The following CLASP1 variants were observed in gnomAD, a reference collection of about 807,000 sequenced individuals.
The protein encoded by CLASP1 is cytoplasmic linker associated protein 1.
CLASP1 carries 38 observed loss-of-function variants against 192.3 expected under a neutral mutation model. That is an observed-to-expected ratio of 0.20 (90% CI 0.15 to 0.26). The LOEUF (loss-of-function observed/expected upper bound fraction) is 0.26, where lower values mean the gene tolerates loss of function less well. Ranked by LOEUF, CLASP1 falls within the 10% of genes least tolerant of loss-of-function variation. The pLI is 1.00. For synonymous variants in CLASP1, 691 were observed against 712.8 expected, an observed-to-expected ratio of 0.97 and a Z score of 0.49; for missense variants, 1,433 against 1,932.5, an observed-to-expected ratio of 0.74 and a Z score of 4.85.
rs748876925 is a variant in CLASP1, at chr2:121,400,242, C to T, written c.2900+1267G>A. ...ATTTAATATTCTTTTTTTATGGCCTCACCGACAGATGCAAGTACATTACTT... is the reference window on the plus strand; with the variant it reads ...ATTTAATATTCTTTTTTTATGGCCTTACCGACAGATGCAAGTACATTACTT... On this transcript the variant is annotated intron_variant, in intron 28 of 39. Coordinates refer to ENST00000263710, the Ensembl canonical transcript of CLASP1. Among the ~76,000 whole-genome samples the T allele has an allele frequency of 6.5e-4, 99 of 152,046 alleles. 1 individual carries two copies. Among genetic ancestry groups the T allele is most frequent in the Non-Finnish European group, 2.8e-4 (19 of 68,026 alleles).
At chr2:121,392,068 T>G (rs199973197) in intron 30 of CLASP1, among the ~76,000 whole-genome samples, 2 of 152,206 alleles carry the variant, frequency 1.3e-5, no homozygotes, top group East Asian at 3.8e-4. Flanking sequence ...AATTTATGTA[T>G]TAATACTTCT....
chr2:121,449,701 A>C (rs960200182), intron 16 of CLASP1, among the ~76,000 whole-genome samples: 1 of 152,334 alleles, frequency 6.6e-6, no homozygotes, highest in East Asian at 1.9e-4. Flanking sequence ...ACGATTAATT[A>C]TATCACTTAT....
intron 1 of CLASP1, among the ~76,000 whole-genome samples, chr2:121,636,838 A>T (rs1163363143): frequency 6.6e-6 from 1 of 152,214 alleles, no homozygotes. Flanking sequence ...ACATTTGGTA[A>T]AATGACTTAA....
intron 2 of CLASP1, among the ~76,000 whole-genome samples, chr2:121,538,661 C>A (rs2095155711): frequency 6.6e-6 from 1 of 151,344 alleles, no homozygotes; most frequent in South Asian, 2.1e-4. Flanking sequence ...CAGTGGGCAC[C>A]TGTAATCCCA....
At chr2:121,367,781 A>G in exon 35 of CLASP1, 1 of 1,612,210 alleles carries the variant, frequency 6.2e-7, no homozygotes, top group Non-Finnish European at 8.5e-7. Flanking sequence ...CTACTTCACT[A>G]CCCCCCCGGC....
intron 18 of CLASP1, among the ~76,000 whole-genome samples, chr2:121,448,056 C>G (rs2084698527): frequency 6.6e-6 from 1 of 152,250 alleles, no homozygotes; most frequent in Admixed American, 6.5e-5. Flanking sequence ...CACAGAGCTT[C>G]ATTCCTAAGT....
At position 121,429,571 on chromosome 2, in the gene CLASP1, T is replaced by G. The variant is rs140344374; in HGVS notation, c.2017+502A>C. ...TGACTTCACATATACAGAGACGCAA[T>G]CATGGAAGCAGCTAGGCAAAGCAAG... On this transcript the variant is annotated intron_variant, in intron 20 of 39. Coordinates refer to ENST00000263710, the Ensembl canonical transcript of CLASP1. Among the ~76,000 whole-genome samples, 328 of 152,198 alleles carry G rather than the reference T, an allele frequency of 2.2e-3. 2 individuals carry two copies. Among genetic ancestry groups the G allele is most frequent in the South Asian group, 3.3e-3 (16 of 4,816 alleles).
At chr2:121,528,558 G>A (rs2094643935) in intron 4 of CLASP1, 119 bp downstream of exon 4, 1 of 759,690 alleles carries the variant, frequency 1.3e-6, no homozygotes, top group South Asian at 1.6e-5. Flanking sequence ...ATTTTTATCT[G>A]TAATACATCA....
chr2:121,515,625 G>C, intron 7 of CLASP1, 40 bp downstream of exon 7: 1 of 1,465,124 alleles, frequency 6.8e-7, no homozygotes. Flanking sequence ...GGGGGCGGGG[G>C]GTTGGGTAGA....
chr2:121,387,152 G>T (rs750132728), exon 32 of CLASP1: 3 of 1,613,810 alleles, frequency 1.9e-6, no homozygotes, highest in Non-Finnish European at 1.7e-6. Context: ...GGAACAGTTG[G>T]TGGGTGAGGT....
chr2:121,555,982 C>A (rs572712087), intron 2 of CLASP1, among the ~76,000 whole-genome samples: 16 of 140,474 alleles, frequency 1.1e-4, no homozygotes, highest in Admixed American at 2.1e-4. Context: ...TGCCCCCTAC[C>A]CACCGCTTTT....
At chr2:121,450,774 T>C (rs1406324422) in intron 16 of CLASP1, 139 bp downstream of exon 16, 2 of 593,592 alleles carry the variant, frequency 3.4e-6, no homozygotes, top group Middle Eastern at 4.6e-4. Context: ...TATTCCAAAA[T>C]GGCCTTTTGG....
intron 6 of CLASP1, among the ~76,000 whole-genome samples, chr2:121,524,477 GAA>G (rs1223062320): frequency 7.0e-6 from 1 of 143,712 alleles, no homozygotes; most frequent in African/African-American, 2.6e-5. Context: ...TTTTTTTAAA[GAA>G]AAAGTCTTGC....
chr2:121,632,680 T>C (rs1004442452), intron 1 of CLASP1, among the ~76,000 whole-genome samples: 2 of 152,140 alleles, frequency 1.3e-5, no homozygotes, highest in East Asian at 3.8e-4. Context: ...GCAGATCACC[T>C]GAGGTCAGGA....
At position 121,518,936 on chromosome 2, in the gene CLASP1, T is replaced by C. The variant is rs1302173650; in HGVS notation, c.547-3174A>G. ...CAGAAGTAGTCAATGCTACTATACC[T>C]TGAATACTATTAAAGTGTATCACCA... On this transcript the variant is annotated intron_variant, in intron 6 of 39. Coordinates refer to ENST00000263710, the Ensembl canonical transcript of CLASP1. 5.3e-5 allele frequency among the ~76,000 whole-genome samples: 8 copies of C among 152,198 alleles called. No individual in the cohort carries two copies. In the South Asian group the frequency reaches 1.4e-3, roughly 28 times the overall value.
At chr2:121,466,582 G>A (rs2089635787) in intron 9 of CLASP1, among the ~76,000 whole-genome samples, 1 of 152,158 alleles carries the variant, frequency 6.6e-6, no homozygotes, top group African/African-American at 2.4e-5. Flanking sequence ...ATGGTTCTAA[G>A]AGCAGCACCT....
chr2:121,527,570 T>C (rs540397202), intron 5 of CLASP1, among the ~76,000 whole-genome samples: 1 of 152,284 alleles, frequency 6.6e-6, no homozygotes, highest in South Asian at 2.1e-4. Flanking sequence ...CATGTGGTTT[T>C]ACCTGAGAAA....
intron 14 of CLASP1, among the ~76,000 whole-genome samples, chr2:121,457,076 T>C (rs886617595): frequency 3.3e-5 from 5 of 152,152 alleles, no homozygotes. Flanking sequence ...TCACACGTAG[T>C]TTAGGGCAGC....
At chr2:121,509,600 C>T (rs964445461) in intron 7 of CLASP1, among the ~76,000 whole-genome samples, 3 of 152,150 alleles carry the variant, frequency 2.0e-5, no homozygotes, top group African/African-American at 4.8e-5. Context: ...CACTTGGGGA[C>T]GCTGAGGCAG....
Sources: gnomAD v4.1 joint callset for allele counts (sites outside exome capture counted in the v4.1 genomes callset) on GRCh38, gnomAD v4.1.1 for gene constraint, MANE v1.5 for transcripts, NCBI Gene and HGNC (gene_info 2026-07-23, HGNC 2026-07-21) for gene names.